The following MACROD2 variants were observed in gnomAD, a reference collection of about 807,000 sequenced individuals.
MACROD2 encodes mono-ADP ribosylhydrolase 2.
MACROD2 carries 36 observed loss-of-function variants against 70.4 expected under a neutral mutation model. The ratio of observed to expected loss-of-function variants is 0.51; its 90% CI spans 0.39 to 0.68. MACROD2 has a LOEUF of 0.68. Ranked by LOEUF, MACROD2 falls within the 30% of genes least tolerant of loss-of-function variation. MACROD2 has a pLI of 0.00. For missense variants in MACROD2, 496 were observed against 538.4 expected (o/e 0.92, Z 0.78); for synonymous variants, 172 against 178.8 (o/e 0.96, Z 0.30).
At chr20:14,567,243 C>G (rs1315094612) in intron 4 of MACROD2, among the ~76,000 whole-genome samples, 5 of 151,924 alleles carry the variant, frequency 3.3e-5, no homozygotes, top group Admixed American at 3.3e-4. Context: ...CTGAAAAAGG[C>G]TTAAATATCC....
At chr20:14,321,827 G>C (rs2082663385) in intron 3 of MACROD2, among the ~76,000 whole-genome samples, 1 of 152,136 alleles carries the variant, frequency 6.6e-6, no homozygotes, top group African/African-American at 2.4e-5. Flanking sequence ...CTTCCTGTAA[G>C]ATAGAGCACA....
At chr20:15,744,074 T>A (rs2051144530) in intron 8 of MACROD2, among the ~76,000 whole-genome samples, 1 of 152,144 alleles carries the variant, frequency 6.6e-6, no homozygotes, top group Non-Finnish European at 1.5e-5. Context: ...TTCCTATATG[T>A]GTGCATCCCT....
At chr20:14,530,394 T>A (rs945128148) in intron 4 of MACROD2, among the ~76,000 whole-genome samples, 4 of 152,180 alleles carry the variant, frequency 2.6e-5, no homozygotes, top group African/African-American at 9.6e-5. Context: ...TGGAGATTTG[T>A]TTCGTCAAGA....
At chr20:14,900,128 T>C (rs1437661131) in intron 5 of MACROD2, among the ~76,000 whole-genome samples, 2 of 152,154 alleles carry the variant, frequency 1.3e-5, no homozygotes, top group African/African-American at 4.8e-5. Flanking sequence ...ACTTTTCATA[T>C]GTTGAACCAA....
At chr20:14,755,490 G>GGGT in intron 5 of MACROD2, among the ~76,000 whole-genome samples, 1 of 152,068 alleles carries the variant, frequency 6.6e-6, no homozygotes, top group Admixed American at 6.5e-5. Flanking sequence ...CAGCCCTCAT[G>GGGT]AGCATTGGCT....
At chr20:14,104,869 C>T (rs1421382487) in intron 3 of MACROD2, among the ~76,000 whole-genome samples, 1 of 152,176 alleles carries the variant, frequency 6.6e-6, no homozygotes. Context: ...GATTCTTATT[C>T]TACCTGTGGT....
In MACROD2 at chr20:15,627,162, CAG is replaced by C. The variant is rs1291007712; in HGVS notation, c.645+127320_645+127321del. The stretch of plus-strand genomic sequence containing the variant: ...GTGATTTGGATCATGTTCAGGGAAG[CAG>C]AGAGTCATTCTTTTAAATGGAAACC... On this transcript the variant is annotated intron_variant, in intron 8 of 17. Transcript: ENST00000684519. Among the ~76,000 whole-genome samples, 11 of 138,676 alleles carry C rather than the reference CAG, an allele frequency of 7.9e-5. No homozygotes were observed. In the East Asian group the frequency reaches 2.1e-3, roughly 27 times the overall value. 91.0% of individuals were successfully genotyped at this position (138,676 alleles called of 152,430 possible). A position where few individuals can be genotyped will look rare whatever the true frequency, so the allele number is the denominator to read the frequency against.
chr20:15,982,429 G>T (rs887960617), intron 13 of MACROD2, among the ~76,000 whole-genome samples: 1 of 152,158 alleles, frequency 6.6e-6, no homozygotes, highest in African/African-American at 2.4e-5. Context: ...AGGAAAATGA[G>T]TCCTGCAATG....
chr20:14,226,360 G>A (rs1038469606), intron 3 of MACROD2, among the ~76,000 whole-genome samples: 1 of 152,236 alleles, frequency 6.6e-6, no homozygotes, highest in Admixed American at 6.5e-5. Context: ...AGTCCTCACA[G>A]CCTTCGCTCG....
intron 5 of MACROD2, among the ~76,000 whole-genome samples, chr20:14,786,204 T>TAGAGAGAGAGAG (rs11474711): frequency 0.044 from 5,892 of 135,380 alleles, 168 homozygotes; most frequent in Middle Eastern, 0.05. Context: ...CAGAGAAAGA[T>TAGAGAGAGAGAG]AGAGAGAGAG....
chr20:14,990,333 C>T (rs2074890065), intron 5 of MACROD2, among the ~76,000 whole-genome samples: 1 of 151,904 alleles, frequency 6.6e-6, no homozygotes, highest in African/African-American at 2.4e-5. Flanking sequence ...AGTTAAGAAG[C>T]CCAGGGTAGT....
At chr20:14,934,823 A>G (rs1158895489) in intron 5 of MACROD2, 1 of 145,588 alleles carries the variant, frequency 6.9e-6, no homozygotes, top group Non-Finnish European at 1.5e-5. Flanking sequence ...ATAATAAAAG[A>G]AAAGGTTTAA....
At chr20:14,001,509 CTT>C (rs1569108545) in intron 1 of MACROD2, among the ~76,000 whole-genome samples, 1 of 151,452 alleles carries the variant, frequency 6.6e-6, no homozygotes, top group African/African-American at 2.4e-5. Flanking sequence ...ACATACCTGT[CTT>C]AGCATTTTAT....
intron 5 of MACROD2, among the ~76,000 whole-genome samples, chr20:15,095,618 C>T (rs543415907): frequency 7.3e-4 from 111 of 151,952 alleles, no homozygotes; most frequent in African/African-American, 2.4e-3. Context: ...CCCGGGTTCA[C>T]GCCATTCTCC....
intron 8 of MACROD2, among the ~76,000 whole-genome samples, chr20:15,684,634 A>T (rs6105453): frequency 0.15 from 23,329 of 152,236 alleles, 2,098 homozygotes; most frequent in African/African-American, 0.25. Context: ...TTTTCAAGAT[A>T]AAGGATTATA....
At chr20:15,593,206 C>T (rs1038240404) in intron 8 of MACROD2, among the ~76,000 whole-genome samples, 5 of 152,160 alleles carry the variant, frequency 3.3e-5, no homozygotes, top group African/African-American at 1.2e-4. Flanking sequence ...CGTCTTTGCA[C>T]ATTATCCTCA....
intron 6 of MACROD2, among the ~76,000 whole-genome samples, chr20:15,390,535 A>G (rs2146292764): frequency 6.6e-6 from 1 of 152,318 alleles, no homozygotes; most frequent in South Asian, 2.1e-4. Context: ...CTCAGTAACC[A>G]TTTAATTAAA....
At chr20:14,998,823 A>G (rs2074971051) in intron 5 of MACROD2, among the ~76,000 whole-genome samples, 1 of 152,202 alleles carries the variant, frequency 6.6e-6, no homozygotes, top group Non-Finnish European at 1.5e-5. Flanking sequence ...AGACTACATC[A>G]AGGCATTTAA....
At chr20:14,720,145 A>G (rs2071447777) in intron 5 of MACROD2, among the ~76,000 whole-genome samples, 1 of 152,180 alleles carries the variant, frequency 6.6e-6, no homozygotes, top group African/African-American at 2.4e-5. Flanking sequence ...TGATCACTAC[A>G]CGATAGTAAT....
Sources: allele counts gnomAD v4.1 joint callset (sites outside exome capture counted in the v4.1 genomes callset), GRCh38; gene constraint gnomAD v4.1.1; transcripts MANE v1.5; gene names NCBI Gene and HGNC (gene_info 2026-07-23, HGNC 2026-07-21).